Variants in RORA observed in about 807,000 individuals in gnomAD.
RORA encodes nuclear receptor ROR-alpha.
RORA carries 7 observed loss-of-function variants against 69.5 expected under a neutral mutation model. That is an observed-to-expected ratio of 0.10 (90% CI 0.06 to 0.19). RORA has a LOEUF of 0.19. Among genes scored for constraint, RORA ranks in the 10% least tolerant of loss-of-function variants. The pLI, the probability that RORA is intolerant of heterozygous loss-of-function variation, is 1.00. For missense variants in RORA, 457 were observed against 663.0 expected (o/e 0.69, Z 3.41); for synonymous variants, 261 against 240.8 (o/e 1.08, Z -0.78).
chr15:61,033,654 C>A (rs933405536), intron 1 of RORA, among the ~76,000 whole-genome samples: 2 of 152,234 alleles, frequency 1.3e-5, no homozygotes, highest in African/African-American at 4.8e-5. Context: ...CCAATTTGGT[C>A]GCCACCAACC....
At chr15:60,501,766 T>C (rs2065338397) in intron 8 of RORA, among the ~76,000 whole-genome samples, 1 of 152,166 alleles carries the variant, frequency 6.6e-6, no homozygotes, top group Admixed American at 6.5e-5. Flanking sequence ...AGAATAATAA[T>C]CCGTTTTCCA....
intron 1 of RORA, among the ~76,000 whole-genome samples, chr15:60,766,077 T>C (rs192138731): frequency 6.6e-6 from 1 of 152,278 alleles, no homozygotes; most frequent in Non-Finnish European, 1.5e-5. Context: ...GCTGTAAACA[T>C]CCCTCTCTGA....
chr15:61,001,034 C>T (rs1894728748), intron 1 of RORA, among the ~76,000 whole-genome samples: 1 of 152,164 alleles, frequency 6.6e-6, no homozygotes, highest in African/African-American at 2.4e-5. Context: ...GTAAAAGTAT[C>T]AAGCAGGTTT....
chr15:60,562,723 T>G (rs1433730852), intron 2 of RORA, among the ~76,000 whole-genome samples: 1 of 151,622 alleles, frequency 6.6e-6, no homozygotes, highest in South Asian at 2.1e-4. Flanking sequence ...TGGGATTACA[T>G]GCATGAGCCA....
intron 1 of RORA, among the ~76,000 whole-genome samples, chr15:61,203,936 A>C (rs1465632854): frequency 2.6e-5 from 4 of 152,194 alleles, no homozygotes; most frequent in African/African-American, 9.7e-5. Flanking sequence ...TTTGTTCAAA[A>C]TGTTTGCAGA....
chr15:61,094,681 T>C (rs912127937), intron 1 of RORA, among the ~76,000 whole-genome samples: 6 of 152,002 alleles, frequency 3.9e-5, no homozygotes, highest in African/African-American at 4.8e-5. Context: ...AGGAAGGAAA[T>C]AGAAAACATT....
intron 1 of RORA, among the ~76,000 whole-genome samples, chr15:60,885,391 C>T (rs1373585459): frequency 6.6e-6 from 1 of 152,228 alleles, no homozygotes; most frequent in Non-Finnish European, 1.5e-5. Flanking sequence ...CCATCTTGGA[C>T]CCTTCAATGC....
intron 1 of RORA, among the ~76,000 whole-genome samples, chr15:60,944,781 T>C (rs568528478): frequency 6.7e-6 from 1 of 148,224 alleles, no homozygotes; most frequent in Admixed American, 6.7e-5. Flanking sequence ...CCATTTCCAA[T>C]AATCGTCCCT....
chr15:61,010,278 C>T (rs1895045012), intron 1 of RORA, among the ~76,000 whole-genome samples: 1 of 152,168 alleles, frequency 6.6e-6, no homozygotes, highest in Non-Finnish European at 1.5e-5. Context: ...GGACTTGAAT[C>T]TAATACTATC....
intron 1 of RORA, among the ~76,000 whole-genome samples, chr15:61,210,971 G>A (rs1414946931): frequency 3.3e-5 from 5 of 152,226 alleles, no homozygotes; most frequent in East Asian, 1.9e-4. Context: ...CAGTCAAGCC[G>A]GAGAACTCCC....
intron 1 of RORA, among the ~76,000 whole-genome samples, chr15:60,964,780 C>A (rs1374737837): frequency 1.3e-5 from 2 of 152,142 alleles, no homozygotes; most frequent in Non-Finnish European, 2.9e-5. Flanking sequence ...AGCCCTTTGG[C>A]AAAGAGCGCC....
At chr15:61,052,182 G>A (rs1395640610) in intron 1 of RORA, among the ~76,000 whole-genome samples, 2 of 152,212 alleles carry the variant, frequency 1.3e-5, no homozygotes, top group African/African-American at 4.8e-5. Flanking sequence ...AATGATCAGT[G>A]TTTTCATTTA....
intron 1 of RORA, among the ~76,000 whole-genome samples, chr15:60,962,228 C>A (rs917504310): frequency 6.6e-6 from 1 of 152,212 alleles, no homozygotes; most frequent in Non-Finnish European, 1.5e-5. Flanking sequence ...CATTTCCTGT[C>A]CTGACTAGAA....
At chr15:60,509,081 A>C (rs1008431898) in intron 5 of RORA, among the ~76,000 whole-genome samples, 5 of 152,330 alleles carry the variant, frequency 3.3e-5, no homozygotes, top group Non-Finnish European at 5.9e-5. Context: ...GTTTAGCCTA[A>C]AATGAAGTCA....
At chr15:60,735,674 T>C (rs1268917032) in intron 1 of RORA, among the ~76,000 whole-genome samples, 1 of 152,058 alleles carries the variant, frequency 6.6e-6, no homozygotes, top group African/African-American at 2.4e-5. Flanking sequence ...TCCATGTGAA[T>C]TGGAATGTGG....
At chr15:61,165,464 T>C (rs2079533175) in intron 1 of RORA, among the ~76,000 whole-genome samples, 1 of 152,256 alleles carries the variant, frequency 6.6e-6, no homozygotes, top group Non-Finnish European at 1.5e-5. Context: ...AGTGTCTTTA[T>C]CCTAGACCAC....
intron 1 of RORA, among the ~76,000 whole-genome samples, chr15:60,870,965 G>A (rs1040478373): frequency 6.6e-6 from 1 of 152,206 alleles, no homozygotes; most frequent in Non-Finnish European, 1.5e-5. Flanking sequence ...TACTAGTCCT[G>A]TTAGGAAGAC....
chr15:60,949,611 A>C (rs1041680742), intron 1 of RORA, among the ~76,000 whole-genome samples: 7 of 152,226 alleles, frequency 4.6e-5, no homozygotes, highest in Admixed American at 6.5e-5. Context: ...TGCAGGATAC[A>C]GAGCATGAAT....
intron 1 of RORA, among the ~76,000 whole-genome samples, chr15:61,157,025 T>A (rs556731827): frequency 1.5e-3 from 224 of 152,312 alleles, no homozygotes; most frequent in Non-Finnish European, 2.6e-3. Flanking sequence ...GTATAATTTA[T>A]CCTTTTCCAA....
Sources: allele counts gnomAD v4.1 joint callset (sites outside exome capture counted in the v4.1 genomes callset), GRCh38; gene constraint gnomAD v4.1.1; transcripts MANE v1.5; gene names NCBI Gene and HGNC (gene_info 2026-07-23, HGNC 2026-07-21).